Variants in TMEM132A observed in about 807,000 individuals in gnomAD.
TMEM132A encodes transmembrane protein 132A.
In TMEM132A, 48 loss-of-function variants were observed where a neutral mutation model predicts 69.9. That is an observed-to-expected ratio of 0.69 (90% CI 0.55 to 0.87). TMEM132A has a LOEUF of 0.87. TMEM132A is among the 40% of genes least tolerant of loss of function. The pLI, the probability that TMEM132A is intolerant of heterozygous loss-of-function variation, is 0.00. For synonymous variants in TMEM132A, 577 were observed against 613.7 expected, an observed-to-expected ratio of 0.94 and a Z score of 0.88; for missense variants, 1,287 against 1,407.2, an observed-to-expected ratio of 0.91 and a Z score of 1.37.
chr11:60,930,418 T>G, intron 4 of TMEM132A, 92 bp from the exon 5 acceptor site: 2 of 1,418,510 alleles, frequency 1.4e-6, no homozygotes, highest in Non-Finnish European at 1.9e-6. Flanking sequence ...GCCAGGGAGG[T>G]CAGATGGCTT....
intron 8 of TMEM132A, 40 bp downstream of exon 8, chr11:60,933,784 T>G (rs1307864261): frequency 6.6e-7 from 1 of 1,526,034 alleles, no homozygotes; most frequent in Non-Finnish European, 8.8e-7. Flanking sequence ...CCTTGGCGAG[T>G]CACACTGGGA....
intron 7 of TMEM132A, 147 bp downstream of exon 7, chr11:60,932,274 A>G: frequency 2.0e-6 from 2 of 989,468 alleles, no homozygotes; most frequent in Admixed American, 3.5e-5. Flanking sequence ...CACAGCTTCA[A>G]CTTCTTTTGT....
In TMEM132A at chr11:60,934,640, C is replaced by G; in HGVS notation, c.1712C>G (p.Pro571Arg). The change falls in exon 9 of 11, where the codon CCC (proline) becomes CGC (arginine). Residue 571 changes from proline (P) to arginine (R), a missense_variant. Pro to Arg is a moderately radical substitution (Grantham distance 103, BLOSUM62 -2). Coordinates refer to ENST00000453848, the MANE Select transcript of TMEM132A (RefSeq NM_178031.3). ...CGCCGCCTCACGCACCTGCTTGGCCCCGACTGGCTGCTAGACGTGTCCCAC... is the reference window on the plus strand; with the variant it reads ...CGCCGCCTCACGCACCTGCTTGGCCGCGACTGGCTGCTAGACGTGTCCCAC... ...GGRRLTHLLGPDWLLDVSHLV... is the reference protein window; with the variant it reads ...GGRRLTHLLGRDWLLDVSHLV... 6.3e-7 allele frequency: 1 copy of G among 1,593,776 alleles called. No individual in the cohort carries two copies. The highest frequency in any genetic ancestry group is 1.1e-5 in the South Asian group (1 of 89,938).
Position 60,935,432 on chromosome 11 carries a change from GC to G in TMEM132A, c.2021del (p.Pro674GlnfsTer55). 6.2e-7 allele frequency: 1 copy of G among 1,604,536 alleles called. No homozygotes were observed. The highest frequency in any genetic ancestry group is 8.5e-7 in the Non-Finnish European group (1 of 1,175,964). The part of the protein sequence containing the change: ...ATCWAQSALP[A>X]PKQEVALSLW... Reference sequence around the variant, plus strand: ...GTGCTGGGCACAGTCAGCCCTTCCCGCCCCAAAGCAGGTGACAGTTGGGGGG... The same window carrying G: ...GTGCTGGGCACAGTCAGCCCTTCCCGCCCAAAGCAGGTGACAGTTGGGGGG... On this transcript the variant is annotated frameshift_variant, in exon 10 of 11. Transcript: ENST00000453848. LOFTEE classifies it high-confidence loss of function. This position sits in a 1 kb window ranked among gnomAD's most constrained non-coding sequence, Gnocchi z 5.0.
intron 7 of TMEM132A, chr11:60,933,037 C>T (rs1022486862): frequency 6.5e-6 from 1 of 152,714 alleles, no homozygotes; most frequent in Non-Finnish European, 1.5e-5. Context: ...ATGGCCCCTA[C>T]AGTAAAATCT....
chr11:60,925,267 G>C (rs1856325345), intron 1 of TMEM132A: 1 of 152,660 alleles, frequency 6.6e-6, no homozygotes, highest in African/African-American at 2.4e-5. Context: ...GAACCTTTGA[G>C]AGGATTCCTG....
chr11:60,926,833 C>T (rs1856356793), intron 1 of TMEM132A, among the ~76,000 whole-genome samples: 1 of 152,182 alleles, frequency 6.6e-6, no homozygotes, highest in Non-Finnish European at 1.5e-5. Context: ...CTGGCCCAGT[C>T]TGCCGACGGT....
intron 4 of TMEM132A, among the ~76,000 whole-genome samples, chr11:60,929,874 A>C (rs1438987582): frequency 7.1e-6 from 1 of 140,318 alleles, no homozygotes; most frequent in Non-Finnish European, 1.5e-5. Flanking sequence ...AAACACGAGC[A>C]AGGGCCAGTC....
chr11:60,929,438 A>G (rs1413157860), intron 4 of TMEM132A, among the ~76,000 whole-genome samples: 1 of 152,158 alleles, frequency 6.6e-6, no homozygotes, highest in Non-Finnish European at 1.5e-5. Context: ...GAAGGCCCTG[A>G]TTCTTTGTGT....
At position 60,931,902 on chromosome 11, in the gene TMEM132A, T is replaced by G; in HGVS notation, c.1212+18T>G. 1 of 1,614,200 alleles carries G rather than the reference T, an allele frequency of 6.2e-7. No individual in the cohort carries two copies. The highest frequency in any genetic ancestry group is 8.5e-7 in the Non-Finnish European group (1 of 1,180,018). On this transcript the variant is annotated intron_variant, in intron 6 of 10. Transcript: ENST00000453848. ...TGGCCAAGGTAAGGAGACCTCCATC[T>G]CTGCCTGGGAAGGCTGGAGGCCAAG...
intron 9 of TMEM132A, among the ~76,000 whole-genome samples, 176 bp downstream of exon 9, chr11:60,934,940 AG>A (rs11379371): frequency 6.6e-6 from 1 of 151,848 alleles, no homozygotes; most frequent in Admixed American, 6.6e-5. Flanking sequence ...TGGCCGCATA[AG>A]GGGGGAAGCC....
intron 8 of TMEM132A, 42 bp from the exon 9 acceptor site, chr11:60,934,446 C>T (rs771831755): frequency 6.0e-6 from 8 of 1,335,028 alleles, no homozygotes; most frequent in East Asian, 3.2e-5. Context: ...AGGCTGGGGC[C>T]GCTCAGCGCT....
In TMEM132A at chr11:60,933,648, T is replaced by A. The variant is rs755673085; in HGVS notation, c.1463T>A (p.Leu488Gln). 1 of 1,605,910 alleles carries A rather than the reference T, an allele frequency of 6.2e-7. No individual in the cohort carries two copies. Among genetic ancestry groups the A allele is most frequent in the African/African-American group, 1.3e-5 (1 of 74,838 alleles). The change falls in exon 8 of 11, where the codon CTG (leucine) becomes CAG (glutamine). Residue 488 changes from leucine (L) to glutamine (Q), a missense_variant. Coordinates refer to ENST00000453848, the MANE Select transcript of TMEM132A (RefSeq NM_178031.3). ...CGCCGGCTCCGCGCCTCGCTGCGGC[T>A]GACCGTGTGGGCCCCCCTGCTACCG... ...WWRRLRASLRLTVWAPLLPLR... is the reference protein window; with the variant it reads ...WWRRLRASLRQTVWAPLLPLR...
At chr11:60,927,037 T>TTTAAC in intron 1 of TMEM132A, 167 bp from the exon 2 acceptor site, 1 of 687,876 alleles carries the variant, frequency 1.5e-6, no homozygotes, top group Non-Finnish European at 2.6e-6. Flanking sequence ...TGTGAGGCTC[T>TTTAAC]TTAAGCCTCA....
chr11:60,929,032 C>T (rs1346093057), intron 4 of TMEM132A, 72 bp downstream of exon 4: 2 of 1,486,152 alleles, frequency 1.3e-6, no homozygotes, highest in East Asian at 2.3e-5. Flanking sequence ...GTACCTGCTC[C>T]TCCTGGGGTC....
rs1015895446 is a variant in TMEM132A, at chr11:60,924,593, C to T, written c.-41C>T. On this transcript the variant is annotated 5_prime_UTR_variant, in exon 1 of 11. Transcript: ENST00000453848. Reference sequence around the variant, plus strand: ...GGGAGATGCCGTGCGGGACTGGGGCCACCTGAGCCGCCCGCCTCGTCCCCG... The same window carrying T: ...GGGAGATGCCGTGCGGGACTGGGGCTACCTGAGCCGCCCGCCTCGTCCCCG... 5 of 1,521,658 alleles carry T rather than the reference C, an allele frequency of 3.3e-6. No individual in the cohort carries two copies. The highest frequency in any genetic ancestry group is 4.4e-6 in the Non-Finnish European group (5 of 1,128,764). 94.3% of individuals were successfully genotyped at this position (1,521,658 alleles called of 1,614,324 possible). A position where few individuals can be genotyped will look rare whatever the true frequency, so the allele number is the denominator to read the frequency against.
rs1424078302 is a variant in TMEM132A, at chr11:60,935,174, C to A, written c.1837-78C>A. ...CTCCGGAGGGCAGCCCGTGAGGGTG[C>A]TGGGAGCACCCGGTTCCCTCTGGGT... On this transcript the variant is annotated intron_variant, in intron 9 of 10. Coordinates refer to ENST00000453848, the MANE Select transcript of TMEM132A (RefSeq NM_178031.3). This position sits in a 1 kb window ranked among gnomAD's most constrained non-coding sequence, Gnocchi z 5.0. 10 of 1,411,230 alleles carry A rather than the reference C, an allele frequency of 7.1e-6. No individual in the cohort carries two copies. Among genetic ancestry groups the A allele is most frequent in the Middle Eastern group, 2.5e-4 (1 of 4,022 alleles). The allele number at this position is 1,411,230 out of a possible 1,614,324, so 87.4% of individuals were successfully genotyped here. A position where few individuals can be genotyped will look rare whatever the true frequency, so the allele number is the denominator to read the frequency against.
chr11:60,924,612 G>A lies in TMEM132A; in HGVS notation c.-22G>A. ...TGGGGCCACCTGAGCCGCCCGCCTC[G>A]TCCCCGCCTTCTGTGGGAAGGATGT... On this transcript the variant is annotated 5_prime_UTR_variant, in exon 1 of 11. Transcript: ENST00000453848. The A allele has an allele frequency of 6.3e-7, 1 of 1,576,904 alleles. No homozygotes were observed. Among genetic ancestry groups the A allele is most frequent in the African/African-American group, 1.4e-5 (1 of 73,188 alleles).
At chr11:60,931,545 C>A (rs1856479894) in intron 5 of TMEM132A, 144 bp from the exon 6 acceptor site, 2 of 792,410 alleles carry the variant, frequency 2.5e-6, no homozygotes, top group Non-Finnish European at 2.0e-6. Flanking sequence ...CTACTTTTTG[C>A]TGTGTGGTCT....
Sources: allele counts gnomAD v4.1 joint callset (sites outside exome capture counted in the v4.1 genomes callset), GRCh38; gene constraint gnomAD v4.1.1; non-coding constraint Gnocchi (gnomAD v3.1); transcripts MANE v1.5; gene names NCBI Gene and HGNC (gene_info 2026-07-23, HGNC 2026-07-21).